Variants in IQCJ observed in about 807,000 individuals in gnomAD.
The protein encoded by IQCJ is IQ domain-containing protein J.
A neutral mutation model predicts 11.0 loss-of-function variants in IQCJ; 9 were observed. The observed-to-expected ratio is 0.82, with a 90% confidence interval of 0.49 to 1.43. The LOEUF (loss-of-function observed/expected upper bound fraction) is 1.43, where lower values mean the gene tolerates loss of function less well. Ranked by LOEUF, IQCJ falls within the 40% of genes most tolerant of loss-of-function variation. The probability of loss-of-function intolerance (pLI) is 0.00; values close to 1 mark genes in which losing one functional copy is unlikely to be tolerated. For synonymous variants in IQCJ, 55 were observed against 51.3 expected (o/e 1.07, Z -0.31); for missense variants, 146 against 133.2 (o/e 1.10, Z -0.47).
chr3:159,183,821 CACT>C (rs1344559474), intron 1 of IQCJ, among the ~76,000 whole-genome samples: 3 of 152,062 alleles, frequency 2.0e-5, no homozygotes, highest in Non-Finnish European at 4.4e-5. Flanking sequence ...TTCGATTCAC[CACT>C]GTCTCCATAT....
chr3:159,084,679 T>A (rs1716580522), intron 1 of IQCJ, among the ~76,000 whole-genome samples: 1 of 152,044 alleles, frequency 6.6e-6, no homozygotes, highest in Non-Finnish European at 1.5e-5. Flanking sequence ...TCTATGTGAC[T>A]CCAGAGGTTA....
chr3:159,211,189 T>G (rs190243486), intron 1 of IQCJ, among the ~76,000 whole-genome samples: 13 of 152,162 alleles, frequency 8.5e-5, no homozygotes, highest in African/African-American at 3.1e-4. Context: ...TTGGGGGAGG[T>G]ATTAAAAAAT....
At position 159,252,927 on chromosome 3, in the gene IQCJ, T is replaced by A. The variant is rs1467846028; in HGVS notation, c.155+120T>A. 9.9e-6 allele frequency: 9 copies of A among 906,386 alleles called. No individual in the cohort carries two copies. In the East Asian group the frequency reaches 2.4e-4, roughly 25 times the overall value. The allele number at this position is 906,386 out of a possible 1,614,324, so 56.1% of individuals were successfully genotyped here. A position where few individuals can be genotyped will look rare whatever the true frequency, so the allele number is the denominator to read the frequency against. ...TTATTTTACATTCATGTGCTGCATA[T>A]TATTTCCTCCCTCTTCTAAGCAGGA... On this transcript the variant is annotated intron_variant, in intron 3 of 3. Transcript: ENST00000397832.
intron 1 of IQCJ, among the ~76,000 whole-genome samples, chr3:159,087,569 G>T (rs981054005): frequency 6.6e-6 from 1 of 151,160 alleles, no homozygotes; most frequent in Non-Finnish European, 1.5e-5. Context: ...TGGTTGGTAA[G>T]CTATTGATTA....
chr3:159,210,086 A>G (rs1174982762), intron 1 of IQCJ, among the ~76,000 whole-genome samples: 1 of 152,174 alleles, frequency 6.6e-6, no homozygotes, highest in Admixed American at 6.5e-5. Flanking sequence ...GGTGGCCTGG[A>G]GGGCCTGCCA....
In IQCJ at chr3:159,204,514, A is replaced by G. The variant is rs1039423825; in HGVS notation, c.10-41329A>G. 5.9e-5 allele frequency among the ~76,000 whole-genome samples: 9 copies of G among 152,218 alleles called. No individual in the cohort carries two copies. In the East Asian group the frequency reaches 1.7e-3, roughly 29 times the overall value. The stretch of plus-strand genomic sequence containing the variant: ...TTATGTGGTGTCTGGCTTCCCCCAG[A>G]GCCAGTGCTCCAAAAGACAAGAAGT... On this transcript the variant is annotated intron_variant, in intron 1 of 3. Transcript: ENST00000397832.
At chr3:159,258,461 A>G (rs2108228568) in intron 3 of IQCJ, among the ~76,000 whole-genome samples, 1 of 152,240 alleles carries the variant, frequency 6.6e-6, no homozygotes, top group South Asian at 2.1e-4. Flanking sequence ...ACCAATGAAA[A>G]GGAGAAATTA....
At position 159,262,740 on chromosome 3, in the gene IQCJ, A is replaced by T. The variant is rs1168371103; in HGVS notation, c.*9A>T. 3.1e-6 allele frequency: 5 copies of T among 1,610,600 alleles called. No homozygotes were observed. The highest frequency in any genetic ancestry group is 4.2e-6 in the Non-Finnish European group (5 of 1,177,402). ...ACTTGACATTCAACTGAAAGCCTAG[A>T]CTTTGGTTCTAAGAGAGAAATCTTG... On this transcript the variant is annotated 3_prime_UTR_variant, in exon 4 of 4. Coordinates refer to ENST00000397832, the MANE Select transcript of IQCJ (RefSeq NM_001042706.3).
chr3:159,164,765 C>T (rs1722069900), intron 1 of IQCJ, among the ~76,000 whole-genome samples: 1 of 152,082 alleles, frequency 6.6e-6, no homozygotes, highest in South Asian at 2.1e-4. Flanking sequence ...GAGACTCCAT[C>T]CCCTCCCCCC....
chr3:159,102,649 A>T (rs965291023), intron 1 of IQCJ, among the ~76,000 whole-genome samples: 3 of 152,202 alleles, frequency 2.0e-5, no homozygotes, highest in African/African-American at 7.2e-5. Context: ...AATGGCTTTG[A>T]AGTTGCAACA....
At chr3:159,187,672 A>G (rs774406251) in intron 1 of IQCJ, among the ~76,000 whole-genome samples, 25 of 152,206 alleles carry the variant, frequency 1.6e-4, no homozygotes, top group Admixed American at 9.8e-4. Flanking sequence ...TTATCAGGGA[A>G]GCTCGAAGGA....
Position 159,195,016 on chromosome 3 carries a change from C to A in IQCJ, c.10-50827C>A, listed in dbSNP as rs1020910953. ...ATCCCAGCTACCCAGAAGGCTGAGG[C>A]ATGAGAATCATTTGAACCCGGGAGG... On this transcript the variant is annotated intron_variant, in intron 1 of 3. Coordinates refer to ENST00000397832, the MANE Select transcript of IQCJ (RefSeq NM_001042706.3). 5.7e-4 allele frequency among the ~76,000 whole-genome samples: 86 copies of A among 151,822 alleles called. 5 individuals are homozygous for A.
intron 1 of IQCJ, among the ~76,000 whole-genome samples, chr3:159,083,178 T>C (rs1000987137): frequency 3.9e-5 from 6 of 152,162 alleles, no homozygotes; most frequent in African/African-American, 1.2e-4. Context: ...AAAGACAAGC[T>C]ATAGCCTGGG....
chr3:159,181,928 T>C (rs1673342179), intron 1 of IQCJ, among the ~76,000 whole-genome samples: 1 of 151,686 alleles, frequency 6.6e-6, no homozygotes, highest in African/African-American at 2.4e-5. Context: ...ATCATGCCAT[T>C]CCCCTCTTAA....
At chr3:159,088,173 T>G (rs1716942381) in intron 1 of IQCJ, among the ~76,000 whole-genome samples, 1 of 152,250 alleles carries the variant, frequency 6.6e-6, no homozygotes, top group Non-Finnish European at 1.5e-5. Context: ...CATTTCCTTA[T>G]GTACCCAGTA....
At chr3:159,200,158 T>G (rs1577076267) in intron 1 of IQCJ, among the ~76,000 whole-genome samples, 2 of 144,280 alleles carry the variant, frequency 1.4e-5, no homozygotes, top group East Asian at 4.2e-4. Flanking sequence ...AAGTCCTTAA[T>G]AAGTATAAGC....
chr3:159,091,247 A>G (rs1340411632), intron 1 of IQCJ, among the ~76,000 whole-genome samples: 3 of 151,814 alleles, frequency 2.0e-5, no homozygotes, highest in Admixed American at 6.5e-5. Flanking sequence ...TTAACAGCAA[A>G]TAACATAGAC....
At chr3:159,151,355 C>T (rs982296107) in intron 1 of IQCJ, among the ~76,000 whole-genome samples, 1 of 152,230 alleles carries the variant, frequency 6.6e-6, no homozygotes, top group Non-Finnish European at 1.5e-5. Flanking sequence ...TAGAATCCAG[C>T]CTATTTGGCC....
chr3:159,142,220 C>T (rs1406667789), intron 1 of IQCJ, among the ~76,000 whole-genome samples: 1 of 152,172 alleles, frequency 6.6e-6, no homozygotes, highest in African/African-American at 2.4e-5. Context: ...GTTACTGTGT[C>T]CTGAACTGAA....
Sources: gnomAD v4.1 joint callset for allele counts (sites outside exome capture counted in the v4.1 genomes callset) on GRCh38, gnomAD v4.1.1 for gene constraint, MANE v1.5 for transcripts, NCBI Gene and HGNC (gene_info 2026-07-23, HGNC 2026-07-21) for gene names.